The following RFX7 variants were observed in gnomAD, a reference collection of about 807,000 sequenced individuals.
The protein encoded by RFX7 is DNA-binding protein RFX7.
In RFX7, 26 loss-of-function variants were observed where a neutral mutation model predicts 111.8. That is an observed-to-expected ratio of 0.23 (90% confidence interval 0.17 to 0.32). RFX7 has a LOEUF of 0.32. RFX7 is among the 10% of genes least tolerant of loss of function. RFX7 has a pLI of 1.00. For missense variants in RFX7, 1,573 were observed against 1,772.9 expected, an observed-to-expected ratio of 0.89 and a Z score of 2.02; for synonymous variants, 624 against 624.4, an observed-to-expected ratio of 1.00 and a Z score of 0.01.
chr15:56,143,498 C>T (rs1238599799), intron 4 of RFX7, among the ~76,000 whole-genome samples: 3 of 151,948 alleles, frequency 2.0e-5, no homozygotes, highest in Non-Finnish European at 4.4e-5. Context: ...AAAGCCAGGC[C>T]CCCTGCCTCA....
intron 5 of RFX7, among the ~76,000 whole-genome samples, chr15:56,109,915 G>T (rs1259314013): frequency 6.6e-6 from 1 of 151,410 alleles, no homozygotes; most frequent in South Asian, 2.1e-4. Context: ...GGAGGGAGAT[G>T]GGGGGGTCAG....
chr15:56,211,231 C>T (rs565351853), intron 2 of RFX7, among the ~76,000 whole-genome samples: 2 of 152,172 alleles, frequency 1.3e-5, no homozygotes, highest in East Asian at 3.9e-4. Context: ...CTCTACAGTC[C>T]TTTTCAGAAG....
intron 5 of RFX7, among the ~76,000 whole-genome samples, chr15:56,132,679 ACAGAT>A (rs559463912): frequency 3.9e-5 from 6 of 152,152 alleles, no homozygotes; most frequent in Non-Finnish European, 8.8e-5. Flanking sequence ...ACAAAAGTGT[ACAGAT>A]CAGACTACTT....
At chr15:56,135,216 T>C (rs2042281938) in intron 5 of RFX7, among the ~76,000 whole-genome samples, 1 of 151,990 alleles carries the variant, frequency 6.6e-6, no homozygotes, top group South Asian at 2.1e-4. Flanking sequence ...GTTGAACTAG[T>C]TTACAGTCCC....
rs1308405198 is a variant in RFX7, at chr15:56,095,014, G to C, written c.2714C>G (p.Ser905Cys). 6.2e-7 allele frequency: 1 copy of C among 1,613,710 alleles called. No homozygotes were observed. Among genetic ancestry groups the C allele is most frequent in the Non-Finnish European group, 8.5e-7 (1 of 1,179,822 alleles). ...GGTCATTCCCAAACAGTTGCCGTAAGAATGAGAATTGTTCATTGACATTTG... is the reference window on the plus strand; with the variant it reads ...GGTCATTCCCAAACAGTTGCCGTAACAATGAGAATTGTTCATTGACATTTG... ...EQQMSMNNSHSYGNCLGMTLQ... is the reference protein window; with the variant it reads ...EQQMSMNNSHCYGNCLGMTLQ... Residue 905 changes from serine to cysteine, a missense_variant, in exon 10 of 10, where the codon TCT becomes TGT. Around this residue, in one of 7 missense-constraint regions of RFX7, gnomAD observed 625 missense variants for 632.2 expected, o/e 0.99. Coordinates refer to ENST00000559447, the MANE Select transcript of RFX7 (RefSeq NM_022841.7).
At chr15:56,204,950 C>T (rs1419672141) in intron 2 of RFX7, among the ~76,000 whole-genome samples, 2 of 152,014 alleles carry the variant, frequency 1.3e-5, no homozygotes, top group African/African-American at 4.8e-5. Context: ...ACATCTAAAA[C>T]GATCATATTG....
rs767137216 is a variant in RFX7, at chr15:56,144,481, T to C, written c.198A>G (p.Gln66=). Residue 66 remains glutamine (Q), a splice_region_variant and synonymous_variant, in exon 4 of 10, where the codon CAA becomes CAG. Transcript: ENST00000559447. The part of the protein sequence containing the change: ...TVQSKVDCIL[Q]EVEKFTDLEK... The stretch of plus-strand genomic sequence containing the variant: ...CTAGGTCTGTAAACTTCTCAACTTC[T>C]TGCTATTTACAAAGGATTAAAAAGA... 15 of 1,360,076 alleles carry C rather than the reference T, an allele frequency of 1.1e-5. No individual in the cohort carries two copies. The highest frequency in any genetic ancestry group is 1.5e-5 in the Non-Finnish European group (15 of 1,015,682). 84.3% of individuals were successfully genotyped at this position (1,360,076 alleles called of 1,614,324 possible).
In RFX7 at chr15:56,093,449, G is replaced by C. The variant is rs918592321; in HGVS notation, c.4279C>G (p.Pro1427Ala). ...EATLEELKND[P>A]LFQQICSESM... Reference sequence around the variant, plus strand: ...TCACTGCAAATTTGTTGAAATAATGGGTCATTCTTTAATTCTTCCAGTGTA... The same window carrying C: ...TCACTGCAAATTTGTTGAAATAATGCGTCATTCTTTAATTCTTCCAGTGTA... Residue 1427 changes from proline (P) to alanine (A), a missense_variant, in exon 10 of 10, where the codon CCA becomes GCA. Transcript: ENST00000559447. 26 of 1,613,538 alleles carry C rather than the reference G, an allele frequency of 1.6e-5. No individual in the cohort carries two copies. Among genetic ancestry groups the C allele is most frequent in the African/African-American group, 2.7e-5 (2 of 74,886 alleles).
At chr15:56,125,350 A>T (rs928721251) in intron 5 of RFX7, among the ~76,000 whole-genome samples, 2 of 152,124 alleles carry the variant, frequency 1.3e-5, no homozygotes, top group African/African-American at 4.8e-5. Flanking sequence ...CTGTGCTTCC[A>T]TATAAATTTT....
chr15:56,134,137 C>A (rs139946723), intron 5 of RFX7, among the ~76,000 whole-genome samples: 1 of 152,164 alleles, frequency 6.6e-6, no homozygotes, highest in Non-Finnish European at 1.5e-5. Context: ...ATTATGAACT[C>A]ACTCATGAAA....
At chr15:56,150,529 T>G (rs1475111399) in intron 3 of RFX7, among the ~76,000 whole-genome samples, 1 of 151,712 alleles carries the variant, frequency 6.6e-6, no homozygotes, top group African/African-American at 2.4e-5. Flanking sequence ...GGGTCGGGAG[T>G]TAACACATCC....
chr15:56,101,671 G>T, intron 7 of RFX7, 105 bp from the exon 8 acceptor site: 2 of 1,072,266 alleles, frequency 1.9e-6, no homozygotes, highest in Non-Finnish European at 2.7e-6. Flanking sequence ...ATATAAATCT[G>T]TGGGTTAAAG....
chr15:56,166,351 G>A (rs749582408), intron 3 of RFX7, among the ~76,000 whole-genome samples: 2 of 152,068 alleles, frequency 1.3e-5, no homozygotes, highest in Non-Finnish European at 2.9e-5. Context: ...AAAATATATA[G>A]CCCTCTTAAC....
At position 56,093,087 on chromosome 15, in the gene RFX7, T is replaced by G. The variant is rs1465089843; in HGVS notation, c.*258A>C. Reference sequence around the variant, plus strand: ...ATCGACTGCTCTTGTAACAGCTGGATAGTCAATCAATGTGAATAAATGGGG... The same window carrying G: ...ATCGACTGCTCTTGTAACAGCTGGAGAGTCAATCAATGTGAATAAATGGGG... On this transcript the variant is annotated 3_prime_UTR_variant, in exon 10 of 10. Transcript: ENST00000559447. 1.3e-5 allele frequency: 5 copies of G among 388,330 alleles called. No homozygotes were observed. The highest frequency in any genetic ancestry group is 1.2e-4 in the Admixed American group (3 of 24,800). 24.1% of individuals were successfully genotyped at this position (388,330 alleles called of 1,614,324 possible).
intron 2 of RFX7, among the ~76,000 whole-genome samples, chr15:56,205,848 G>A (rs1446053011): frequency 6.6e-6 from 1 of 152,120 alleles, no homozygotes; most frequent in Non-Finnish European, 1.5e-5. Context: ...AAAGCAATCA[G>A]ACACTCACAG....
chr15:56,226,612 A>C (rs1438658561), intron 2 of RFX7, among the ~76,000 whole-genome samples: 1 of 152,168 alleles, frequency 6.6e-6, no homozygotes, highest in African/African-American at 2.4e-5. Flanking sequence ...GGAGCTGAGA[A>C]AGAAAACCCA....
chr15:56,152,706 G>A (rs1338140345), intron 3 of RFX7, among the ~76,000 whole-genome samples: 1 of 150,366 alleles, frequency 6.7e-6, no homozygotes, highest in East Asian at 1.9e-4. Flanking sequence ...TAAGATCAGA[G>A]CAGAACTGAA....
At chr15:56,107,511 G>C (rs1480682496) in intron 5 of RFX7, among the ~76,000 whole-genome samples, 1 of 151,794 alleles carries the variant, frequency 6.6e-6, no homozygotes, top group Non-Finnish European at 1.5e-5. Flanking sequence ...TTGTTTAATG[G>C]TACAAAAATA....
intron 7 of RFX7, 53 bp from the exon 8 acceptor site, chr15:56,101,619 T>C (rs962998148): frequency 1.3e-5 from 19 of 1,441,546 alleles, no homozygotes; most frequent in African/African-American, 2.8e-5. Context: ...AGAAATTAAA[T>C]TGAAGCATGT....
Sources: allele counts gnomAD v4.1 joint callset (sites outside exome capture counted in the v4.1 genomes callset), GRCh38; gene constraint gnomAD v4.1.1; regional missense constraint gnomAD v4.1.1; transcripts MANE v1.5; gene names NCBI Gene and HGNC (gene_info 2026-07-23, HGNC 2026-07-21).